The following PTPRM variants were observed in gnomAD, a reference collection of about 807,000 sequenced individuals.
PTPRM encodes the protein receptor-type tyrosine-protein phosphatase mu.
In PTPRM, 47 loss-of-function variants were observed where a neutral mutation model predicts 186.7. That is an observed-to-expected ratio of 0.25 (90% CI 0.20 to 0.32). The LOEUF (loss-of-function observed/expected upper bound fraction) is 0.32, where lower values mean the gene tolerates loss of function less well. Ranked by LOEUF, PTPRM falls within the 10% of genes least tolerant of loss-of-function variation. PTPRM has a pLI of 1.00. For missense variants in PTPRM, 1,494 were observed against 1,865.0 expected, an observed-to-expected ratio of 0.80 and a Z score of 3.66; for synonymous variants, 668 against 674.9, an observed-to-expected ratio of 0.99 and a Z score of 0.16.
intron 2 of PTPRM, among the ~76,000 whole-genome samples, chr18:7,806,876 G>A (rs1240322312): frequency 6.6e-6 from 1 of 152,204 alleles, no homozygotes; most frequent in Non-Finnish European, 1.5e-5. Context: ...ATGGGAAGAA[G>A]GTTGCTTTTT....
chr18:8,096,009 G>C (rs564918372), intron 11 of PTPRM, among the ~76,000 whole-genome samples: 210 of 152,220 alleles, frequency 1.4e-3, no homozygotes, highest in African/African-American at 4.8e-3. Context: ...TTCTTTTGTT[G>C]CTTCTCCTAC....
chr18:8,204,436 T>C (rs2093898073), intron 14 of PTPRM, among the ~76,000 whole-genome samples: 1 of 152,038 alleles, frequency 6.6e-6, no homozygotes, highest in East Asian at 1.9e-4. Context: ...TAATGAAATA[T>C]AAATAGAAGG....
At chr18:7,962,667 A>G (rs1041054249) in intron 7 of PTPRM, among the ~76,000 whole-genome samples, 1 of 152,236 alleles carries the variant, frequency 6.6e-6, no homozygotes, top group Non-Finnish European at 1.5e-5. Flanking sequence ...CCTGCATTCA[A>G]CCGAAGGCTG....
intron 14 of PTPRM, among the ~76,000 whole-genome samples, chr18:8,192,161 AAAGT>A (rs2093718654): frequency 1.3e-5 from 2 of 152,164 alleles, no homozygotes; most frequent in South Asian, 4.1e-4. Context: ...ACTTTGTTTA[AAAGT>A]AAGGAAAATC....
chr18:8,102,518 C>T (rs1452927453), intron 11 of PTPRM, among the ~76,000 whole-genome samples: 1 of 152,210 alleles, frequency 6.6e-6, no homozygotes, highest in Non-Finnish European at 1.5e-5. Flanking sequence ...CAAGAAACCA[C>T]TTTCTTTGCT....
intron 21 of PTPRM, among the ~76,000 whole-genome samples, chr18:8,316,874 C>G (rs1220351218): frequency 6.6e-6 from 1 of 151,954 alleles, no homozygotes; most frequent in African/African-American, 2.4e-5. Context: ...TATATAGATA[C>G]CTGGAAGAAG....
intron 2 of PTPRM, among the ~76,000 whole-genome samples, chr18:7,818,053 T>G (rs1224884310): frequency 6.6e-6 from 1 of 152,186 alleles, no homozygotes; most frequent in Non-Finnish European, 1.5e-5. Context: ...GTTATTCACT[T>G]CCCTCCTCCA....
chr18:7,676,825 TG>T (rs1366642940), intron 1 of PTPRM, among the ~76,000 whole-genome samples: 1 of 152,234 alleles, frequency 6.6e-6, no homozygotes, highest in Non-Finnish European at 1.5e-5. Context: ...ATATAACAGA[TG>T]TTTTTTAAGT....
At chr18:8,285,212 A>G (rs532890247) in intron 19 of PTPRM, among the ~76,000 whole-genome samples, 2 of 152,370 alleles carry the variant, frequency 1.3e-5, no homozygotes, top group South Asian at 4.1e-4. Flanking sequence ...TACAGAAAGC[A>G]ATCCTGTTAA....
In PTPRM at chr18:7,568,660, C is replaced by T. The variant is rs2036495467; in HGVS notation, c.73+769C>T. Among the ~76,000 whole-genome samples, 1 of 152,166 alleles carries T rather than the reference C, an allele frequency of 6.6e-6. No homozygotes were observed. The highest frequency in any genetic ancestry group is 2.1e-4 in the South Asian group (1 of 4,834). ...AACTTGTTCATCCAGCCCGGCTGCC[C>T]GGGGGTCCCAGGTGGGAAGGAGAGG... is the stretch of plus-strand genomic sequence containing the variant. On this transcript the variant is annotated intron_variant, in intron 1 of 32. Transcript: ENST00000580170. This position sits in a 1 kb window ranked among gnomAD's most constrained non-coding sequence, Gnocchi z 5.1.
At chr18:8,165,856 T>A (rs1247290781) in intron 14 of PTPRM, among the ~76,000 whole-genome samples, 1 of 152,152 alleles carries the variant, frequency 6.6e-6, no homozygotes. Context: ...AGTTCCCCCC[T>A]TATGGGCTTG....
intron 14 of PTPRM, among the ~76,000 whole-genome samples, chr18:8,233,375 G>T (rs1012669828): frequency 5.9e-5 from 9 of 152,182 alleles, no homozygotes; most frequent in Admixed American, 1.3e-4. Flanking sequence ...CAGATGTGTG[G>T]TGGTATCTTG....
intron 14 of PTPRM, among the ~76,000 whole-genome samples, chr18:8,209,989 T>TAAAAAAAAAAAAAAAA (rs67547673): frequency 5.1e-5 from 4 of 78,696 alleles, no homozygotes; most frequent in Non-Finnish European, 7.3e-5. Context: ...GAAGTAAAAT[T>TAAAAAAAAAAAAAAAA]AAAAAAAAAA....
chr18:8,104,045 C>G (rs2091411141), intron 11 of PTPRM, among the ~76,000 whole-genome samples: 1 of 152,120 alleles, frequency 6.6e-6, no homozygotes, highest in Non-Finnish European at 1.5e-5. Context: ...ACAAGAGTAA[C>G]ATCAAAGATC....
chr18:7,567,352 C>G lies in PTPRM; in HGVS notation c.-467C>G, dbSNP rs2036449658. 6.7e-6 allele frequency: 1 copy of G among 148,752 alleles called. No homozygotes were observed. Among genetic ancestry groups the G allele is most frequent in the Non-Finnish European group, 1.5e-5 (1 of 66,732 alleles). The allele number at this position is 148,752 out of a possible 1,614,324, so 9.2% of individuals were successfully genotyped here. A position where few individuals can be genotyped will look rare whatever the true frequency, so the allele number is the denominator to read the frequency against. On this transcript the variant is annotated 5_prime_UTR_variant, in exon 1 of 33. Coordinates refer to ENST00000580170, the MANE Select transcript of PTPRM (RefSeq NM_001105244.2). This position sits in a 1 kb window ranked among gnomAD's most constrained non-coding sequence, Gnocchi z 4.3. ...GAGCAAGAGCCCCGCGCGCAGCCGG[C>G]GCGGGCTCGGTCATCGGCGCGCCGC... is the stretch of plus-strand genomic sequence containing the variant.
chr18:7,975,501 G>A (rs146339767), intron 7 of PTPRM, among the ~76,000 whole-genome samples: 6 of 152,142 alleles, frequency 3.9e-5, no homozygotes, highest in African/African-American at 1.4e-4. Context: ...TGCCAATATG[G>A]TAATGCTACA....
chr18:7,772,347 TTCTCTTTC>T (rs1568107960), intron 1 of PTPRM, among the ~76,000 whole-genome samples: 3 of 115,766 alleles, frequency 2.6e-5, no homozygotes, highest in South Asian at 5.3e-4. Context: ...CTTTCTTTCT[TTCTCTTTC>T]TTTCTTTCTT....
intron 7 of PTPRM, among the ~76,000 whole-genome samples, chr18:8,051,323 C>A (rs1258257673): frequency 6.6e-6 from 1 of 152,164 alleles, no homozygotes; most frequent in East Asian, 1.9e-4. Flanking sequence ...TTGATACAAA[C>A]AAAAGGACAT....
At chr18:8,366,747 C>T (rs377505063) in intron 23 of PTPRM, 3 of 152,252 alleles carry the variant, frequency 2.0e-5, no homozygotes, top group Non-Finnish European at 4.4e-5. Flanking sequence ...TGGCAGGGCT[C>T]GGGACTGTTA....
Sources: allele counts gnomAD v4.1 joint callset (sites outside exome capture counted in the v4.1 genomes callset), GRCh38; gene constraint gnomAD v4.1.1; non-coding constraint Gnocchi (gnomAD v3.1); transcripts MANE v1.5; gene names NCBI Gene and HGNC (gene_info 2026-07-23, HGNC 2026-07-21).